Variants in PRKN observed in about 807,000 individuals in gnomAD.
PRKN encodes the protein parkin RBR E3 ubiquitin protein ligase.
In PRKN, 56 loss-of-function variants were observed where a neutral mutation model predicts 59.5. The ratio of observed to expected loss-of-function variants is 0.94; its 90% CI spans 0.76 to 1.18. The LOEUF (loss-of-function observed/expected upper bound fraction) is 1.18, where lower values mean the gene tolerates loss of function less well. Ranked by LOEUF, PRKN falls within the 50% of genes most tolerant of loss-of-function variation. PRKN has a pLI of 0.00. For synonymous variants in PRKN, 250 were observed against 222.1 expected (o/e 1.13, Z -1.12); for missense variants, 657 against 596.4 (o/e 1.10, Z -1.06).
At chr6:161,684,472 A>G (rs921273596) in intron 7 of PRKN, among the ~76,000 whole-genome samples, 9 of 152,174 alleles carry the variant, frequency 5.9e-5, no homozygotes, top group Admixed American at 3.9e-4. Flanking sequence ...CCAATTGACT[A>G]AGAAATTTAT....
chr6:161,536,362 A>C (rs1356184145), intron 9 of PRKN, among the ~76,000 whole-genome samples: 1 of 151,854 alleles, frequency 6.6e-6, no homozygotes, highest in African/African-American at 2.4e-5. Flanking sequence ...GGTTTAGACT[A>C]CTCAGAACTC....
intron 1 of PRKN, among the ~76,000 whole-genome samples, chr6:162,499,464 T>C (rs1242095418): frequency 6.6e-6 from 1 of 152,186 alleles, no homozygotes; most frequent in Non-Finnish European, 1.5e-5. Flanking sequence ...TACTCTTATC[T>C]GCATGCCCAG....
chr6:162,658,766 C>T (rs1293776807), intron 1 of PRKN, among the ~76,000 whole-genome samples: 1 of 151,238 alleles, frequency 6.6e-6, no homozygotes, highest in African/African-American at 2.4e-5. Flanking sequence ...CTACACATCC[C>T]ATTCTAAGCA....
intron 4 of PRKN, among the ~76,000 whole-genome samples, chr6:162,164,786 T>G (rs776927250): frequency 1.3e-5 from 2 of 149,074 alleles, no homozygotes; most frequent in Non-Finnish European, 3.0e-5. Context: ...TAATCATCTC[T>G]AAATCTAAAA....
At chr6:161,951,814 C>T (rs537998737) in intron 6 of PRKN, among the ~76,000 whole-genome samples, 5 of 151,752 alleles carry the variant, frequency 3.3e-5, no homozygotes, top group South Asian at 4.2e-4. Context: ...CCCAGCTGCT[C>T]GGGAGGCTGA....
chr6:162,021,793 CA>C (rs1220816674), intron 5 of PRKN, among the ~76,000 whole-genome samples: 3 of 152,096 alleles, frequency 2.0e-5, no homozygotes, highest in Admixed American at 2.0e-4. Flanking sequence ...ATCCATCACC[CA>C]AATAGTGAAC....
chr6:162,150,361 A>T (rs1044608555), intron 4 of PRKN, among the ~76,000 whole-genome samples: 1 of 152,078 alleles, frequency 6.6e-6, no homozygotes, highest in East Asian at 1.9e-4. Context: ...TCTGCTCCTG[A>T]TTTATATGCT....
At chr6:161,815,650 G>A (rs3016538) in intron 6 of PRKN, among the ~76,000 whole-genome samples, 36,645 of 152,176 alleles carry the variant, frequency 0.24, 4,733 homozygotes, top group Non-Finnish European at 0.3. Flanking sequence ...GGAAGCAAGC[G>A]TGCTGAGTCC....
intron 2 of PRKN, among the ~76,000 whole-genome samples, chr6:162,436,176 C>CAAAAAAAAAAA (rs35792526): frequency 1.8e-5 from 1 of 54,686 alleles, no homozygotes; most frequent in African/African-American, 6.6e-5. Context: ...ACTCCATCTC[C>CAAAAAAAAAAA]AAAAAAAAAA....
rs374576347 is a variant in PRKN at position 161,456,852 on chromosome 6, TC to T, written c.1084-69976del. ...AGGGCTTCCTCAGGAGAAGAGATGG[TC>T]TCATTGCTCAGGGAACCTTTTCTCC... On this transcript the variant is annotated intron_variant, in intron 9 of 11. Coordinates refer to ENST00000366898, the MANE Select transcript of PRKN (RefSeq NM_004562.3). This position sits in a 1 kb window ranked among gnomAD's most constrained non-coding sequence, Gnocchi z 4.8. Among the ~76,000 whole-genome samples, 1,448 of 152,228 alleles carry T rather than the reference TC, an allele frequency of 9.5e-3. 18 individuals are homozygous for T. The highest frequency in any genetic ancestry group is 0.033 in the African/African-American group (1,382 of 41,540).
intron 4 of PRKN, among the ~76,000 whole-genome samples, chr6:162,082,631 G>A (rs1779101674): frequency 6.6e-6 from 1 of 152,022 alleles, no homozygotes; most frequent in Non-Finnish European, 1.5e-5. Context: ...GGTCTATATT[G>A]GCTTTCAACA....
At chr6:162,594,546 T>A (rs997970043) in intron 1 of PRKN, among the ~76,000 whole-genome samples, 21 of 152,186 alleles carry the variant, frequency 1.4e-4, no homozygotes, top group Non-Finnish European at 7.3e-5. Context: ...CATTGTTCAC[T>A]CCATATACAT....
chr6:161,979,097 C>T (rs761024875), intron 5 of PRKN, among the ~76,000 whole-genome samples: 3 of 152,142 alleles, frequency 2.0e-5, no homozygotes, highest in Non-Finnish European at 2.9e-5. Context: ...CCAATAGTCA[C>T]TTCTGGGAAA....
At chr6:162,432,350 A>T (rs1789576000) in intron 2 of PRKN, among the ~76,000 whole-genome samples, 1 of 151,960 alleles carries the variant, frequency 6.6e-6, no homozygotes. Flanking sequence ...ACATGGTAAC[A>T]CTCCAACTCT....
chr6:161,918,240 G>T (rs1179584632), intron 6 of PRKN, among the ~76,000 whole-genome samples: 1 of 152,266 alleles, frequency 6.6e-6, no homozygotes, highest in Non-Finnish European at 1.5e-5. Flanking sequence ...ACAGTACCAC[G>T]CAGAACATCG....
chr6:161,481,037 G>A (rs1791368641), intron 9 of PRKN, among the ~76,000 whole-genome samples: 1 of 152,214 alleles, frequency 6.6e-6, no homozygotes, highest in African/African-American at 2.4e-5. Flanking sequence ...GTGGAAGTGG[G>A]CAGGCACTGC....
intron 9 of PRKN, among the ~76,000 whole-genome samples, chr6:161,496,275 G>C (rs992157845): frequency 6.6e-6 from 1 of 152,172 alleles, no homozygotes; most frequent in East Asian, 1.9e-4. Flanking sequence ...CCCTTACAAA[G>C]ATATGCTGAT....
At chr6:162,296,409 T>A (rs7757482) in intron 2 of PRKN, among the ~76,000 whole-genome samples, 22,224 of 151,916 alleles carry the variant, frequency 0.15, 2,591 homozygotes, top group African/African-American at 0.32. Context: ...GATACTCATA[T>A]CACTCATCTC....
chr6:162,300,504 T>A (rs1467636359), intron 2 of PRKN, among the ~76,000 whole-genome samples: 2 of 152,182 alleles, frequency 1.3e-5, no homozygotes, highest in African/African-American at 4.8e-5. Flanking sequence ...CTGCGTTTTT[T>A]TTTTCTTTTT....
Sources: allele counts gnomAD v4.1 joint callset (sites outside exome capture counted in the v4.1 genomes callset), GRCh38; gene constraint gnomAD v4.1.1; non-coding constraint Gnocchi (gnomAD v3.1); transcripts MANE v1.5; gene names NCBI Gene and HGNC (gene_info 2026-07-23, HGNC 2026-07-21).